Variants in ZNF277 observed in about 807,000 individuals in gnomAD.
The protein encoded by ZNF277 is nuclear receptor-interacting factor 4.
Under a neutral mutation model 60.7 loss-of-function variants are expected in ZNF277, and 55 were observed. The ratio of observed to expected loss-of-function variants is 0.91; its 90% CI spans 0.73 to 1.13. The LOEUF (loss-of-function observed/expected upper bound fraction) is 1.13, where lower values mean the gene tolerates loss of function less well. Ranked by LOEUF, ZNF277 falls within the 50% of genes most tolerant of loss-of-function variation. The pLI, the probability that ZNF277 is intolerant of heterozygous loss-of-function variation, is 0.00. For synonymous variants in ZNF277, 178 were observed against 179.3 expected (o/e 0.99, Z 0.06); for missense variants, 510 against 523.0 (o/e 0.98, Z 0.24).
intron 5 of ZNF277, among the ~76,000 whole-genome samples, chr7:112,326,733 A>AT (rs888636448): frequency 3.3e-5 from 5 of 151,718 alleles, no homozygotes; most frequent in Non-Finnish European, 7.4e-5. Context: ...CACTGAAAAC[A>AT]TTTTTTTGGG....
At position 112,307,974 on chromosome 7, in the gene ZNF277, C is replaced by A. The variant is rs543709874; in HGVS notation, c.466-10208C>A. ...ACTATTGACCCTGTCAACTAGTTGT[C>A]ATAAATTCTAAAACCTGTTACTATG... On this transcript the variant is annotated intron_variant, in intron 4 of 11. Transcript: ENST00000361822. 1.7e-4 allele frequency among the ~76,000 whole-genome samples: 26 copies of A among 152,050 alleles called. No homozygotes were observed. The East Asian group carries it at 4.6e-3, about 27-fold the overall frequency.
chr7:112,325,326 A>G (rs1413459720), intron 5 of ZNF277, among the ~76,000 whole-genome samples: 1 of 152,180 alleles, frequency 6.6e-6, no homozygotes, highest in Non-Finnish European at 1.5e-5. Context: ...CCAAGTGCAG[A>G]CTGTTAACCC....
chr7:112,267,886 C>T (rs895805496), intron 1 of ZNF277, among the ~76,000 whole-genome samples: 38 of 152,262 alleles, frequency 2.5e-4, no homozygotes, highest in Non-Finnish European at 3.4e-4. Flanking sequence ...TCCCTGGATG[C>T]TCCCACAGAC....
chr7:112,273,792 ATT>A (rs923943950), intron 1 of ZNF277, among the ~76,000 whole-genome samples: 1 of 151,896 alleles, frequency 6.6e-6, no homozygotes, highest in Admixed American at 6.6e-5. Context: ...AGGTAGCTCT[ATT>A]TTTTTTCTTC....
At chr7:112,257,676 T>C (rs1791349758) in intron 1 of ZNF277, among the ~76,000 whole-genome samples, 1 of 152,162 alleles carries the variant, frequency 6.6e-6, no homozygotes, top group African/African-American at 2.4e-5. Flanking sequence ...TAGGGAGTGG[T>C]AAGGGTCATG....
At chr7:112,330,671 TCTC>T (rs375796205) in intron 7 of ZNF277, among the ~76,000 whole-genome samples, 179 of 151,544 alleles carry the variant, frequency 1.2e-3, no homozygotes, top group African/African-American at 4.1e-3. Flanking sequence ...ATCAAGCAAT[TCTC>T]CTGCCTCAGC....
chr7:112,342,837 T>A lies in ZNF277; in HGVS notation c.*108T>A. On this transcript the variant is annotated 3_prime_UTR_variant, in exon 12 of 12. Coordinates refer to ENST00000361822, the MANE Select transcript of ZNF277 (RefSeq NM_021994.3). ...TTAAATTTGAACATCAACAAAAGAT[T>A]GGTCCTTGGTGAAATAAACTTTTCA... 1.1e-6 allele frequency: 1 copy of A among 885,988 alleles called. No individual in the cohort carries two copies. The highest frequency in any genetic ancestry group is 1.5e-6 in the Non-Finnish European group (1 of 652,950). The allele number at this position is 885,988 out of a possible 1,614,324, so 54.9% of individuals were successfully genotyped here. A position where few individuals can be genotyped will look rare whatever the true frequency, so the allele number is the denominator to read the frequency against.
intron 1 of ZNF277, among the ~76,000 whole-genome samples, chr7:112,280,494 A>C (rs190108559): frequency 2.5e-4 from 38 of 152,288 alleles, no homozygotes; most frequent in Non-Finnish European, 5.3e-4. Flanking sequence ...TGCAAAGTGG[A>C]TTTAGGGCCA....
chr7:112,229,618 C>A (rs1822269722), intron 1 of ZNF277, among the ~76,000 whole-genome samples: 1 of 152,146 alleles, frequency 6.6e-6, no homozygotes. Context: ...AAAATGACAC[C>A]TTTGATATTC....
chr7:112,290,768 C>T (rs1792188572), intron 2 of ZNF277, among the ~76,000 whole-genome samples: 1 of 152,250 alleles, frequency 6.6e-6, no homozygotes, highest in South Asian at 2.1e-4. Context: ...AAATTCCTCT[C>T]CCAAACAATC....
chr7:112,229,327 A>G (rs1822262726), intron 1 of ZNF277, among the ~76,000 whole-genome samples: 1 of 152,244 alleles, frequency 6.6e-6, no homozygotes, highest in African/African-American at 2.4e-5. Context: ...AGCGTAGTCT[A>G]GAGTAGCAGC....
Position 112,330,129 on chromosome 7 carries a change from A to C in ZNF277, c.714A>C (p.Thr238=), listed in dbSNP as rs778273157. ...AGAAGACCTTCAGGGACAAAAATACACTTAAAGATCACATGAGGAAAAAAC... is the reference window on the plus strand; with the variant it reads ...AGAAGACCTTCAGGGACAAAAATACCCTTAAAGATCACATGAGGAAAAAAC... The part of the protein sequence containing the change: ...YCEKTFRDKN[T]LKDHMRKKQH... Residue 238 remains threonine (T), a synonymous_variant, in exon 7 of 12, where the codon ACA becomes ACC. Transcript: ENST00000361822. 20 of 1,613,596 alleles carry C rather than the reference A, an allele frequency of 1.2e-5. No individual in the cohort carries two copies. Among genetic ancestry groups the C allele is most frequent in the East Asian group, 2.2e-5 (1 of 44,790 alleles).
At chr7:112,310,642 C>T (rs552634246) in intron 4 of ZNF277, among the ~76,000 whole-genome samples, 24 of 152,114 alleles carry the variant, frequency 1.6e-4, no homozygotes, top group Admixed American at 6.5e-4. Flanking sequence ...CCAGATACCT[C>T]AGAGTTAATC....
intron 1 of ZNF277, among the ~76,000 whole-genome samples, chr7:112,216,097 C>T (rs191421906): frequency 1.3e-5 from 2 of 152,254 alleles, no homozygotes; most frequent in African/African-American, 2.4e-5. Context: ...TGAGAGTCTG[C>T]GGGCTTATTT....
chr7:112,235,308 A>G (rs1047112222), intron 1 of ZNF277, among the ~76,000 whole-genome samples: 1 of 152,126 alleles, frequency 6.6e-6, no homozygotes, highest in Non-Finnish European at 1.5e-5. Flanking sequence ...TCCTATGGTC[A>G]TATAGTAACT....
intron 1 of ZNF277, among the ~76,000 whole-genome samples, chr7:112,219,831 T>TACAAAA (rs1360631793): frequency 1.3e-5 from 2 of 152,156 alleles, no homozygotes; most frequent in Admixed American, 1.3e-4. Flanking sequence ...GAGGGAGATC[T>TACAAAA]CACTATGTTA....
chr7:112,262,751 A>C (rs1791465214), intron 1 of ZNF277, among the ~76,000 whole-genome samples: 1 of 152,122 alleles, frequency 6.6e-6, no homozygotes, highest in South Asian at 2.1e-4. Flanking sequence ...GTTATATTTT[A>C]TATTTGTTCC....
intron 1 of ZNF277, among the ~76,000 whole-genome samples, chr7:112,278,438 C>G (rs1380257687): frequency 6.6e-6 from 1 of 152,168 alleles, no homozygotes; most frequent in Non-Finnish European, 1.5e-5. Context: ...TGATGCCCAT[C>G]TCTCTTCATC....
chr7:112,267,846 C>T (rs1791584783), intron 1 of ZNF277, among the ~76,000 whole-genome samples: 1 of 152,136 alleles, frequency 6.6e-6, no homozygotes, highest in Non-Finnish European at 1.5e-5. Context: ...GGGGTGGCAG[C>T]TTGCCCCAGC....
Sources: allele counts gnomAD v4.1 joint callset (sites outside exome capture counted in the v4.1 genomes callset), GRCh38; gene constraint gnomAD v4.1.1; transcripts MANE v1.5; gene names NCBI Gene and HGNC (gene_info 2026-07-23, HGNC 2026-07-21).